RORA: variants seen among roughly 807,000 people sequenced by gnomAD.
RORA encodes nuclear receptor ROR-alpha.
RORA carries 7 observed loss-of-function variants against 69.5 expected under a neutral mutation model. The ratio of observed to expected loss-of-function variants is 0.10; its 90% CI spans 0.06 to 0.19. The LOEUF is 0.19. Among genes scored for constraint, RORA ranks in the 10% least tolerant of loss-of-function variants. The pLI is 1.00. For synonymous variants in RORA, 261 were observed against 240.8 expected, an observed-to-expected ratio of 1.08 and a Z score of -0.78; for missense variants, 457 against 663.0, an observed-to-expected ratio of 0.69 and a Z score of 3.41.
chr15:60,943,148 T>C (rs1363451864), intron 1 of RORA, among the ~76,000 whole-genome samples: 1 of 152,214 alleles, frequency 6.6e-6, no homozygotes, highest in Non-Finnish European at 1.5e-5. Flanking sequence ...CTTCTTATTT[T>C]GAGACTTGGC....
At chr15:61,098,806 T>G (rs1458804766) in intron 1 of RORA, among the ~76,000 whole-genome samples, 1 of 152,254 alleles carries the variant, frequency 6.6e-6, no homozygotes, top group Non-Finnish European at 1.5e-5. Context: ...TCTTGATTAC[T>G]GTTATTGGAA....
At chr15:60,699,314 A>G (rs993841667) in intron 1 of RORA, among the ~76,000 whole-genome samples, 22 of 152,322 alleles carry the variant, frequency 1.4e-4, no homozygotes, top group Admixed American at 5.9e-4. Flanking sequence ...TAATTTAAAA[A>G]TTCAAATAAA....
chr15:60,794,883 C>G (rs539782414), intron 1 of RORA, among the ~76,000 whole-genome samples: 1 of 152,256 alleles, frequency 6.6e-6, no homozygotes, highest in African/African-American at 2.4e-5. Flanking sequence ...TGGAGTTCTG[C>G]CTGTCCACTT....
At chr15:60,586,403 C>T (rs1455434739) in intron 2 of RORA, among the ~76,000 whole-genome samples, 1 of 151,998 alleles carries the variant, frequency 6.6e-6, no homozygotes, top group Non-Finnish European at 1.5e-5. Context: ...GGCAGAACCA[C>T]ACTTACAGCA....
chr15:60,539,863 C>T (rs1368656437), intron 2 of RORA, among the ~76,000 whole-genome samples: 1 of 151,956 alleles, frequency 6.6e-6, no homozygotes, highest in Non-Finnish European at 1.5e-5. Flanking sequence ...TCTCAGTTGG[C>T]GTAAGGTCCC....
chr15:60,882,769 C>T (rs549721170), intron 1 of RORA, among the ~76,000 whole-genome samples: 9 of 152,132 alleles, frequency 5.9e-5, no homozygotes, highest in Admixed American at 5.2e-4. Flanking sequence ...TGTTCTGATA[C>T]GTTCAGCCAA....
intron 2 of RORA, among the ~76,000 whole-genome samples, chr15:60,655,307 C>T (rs1179029888): frequency 6.6e-6 from 1 of 151,954 alleles, no homozygotes; most frequent in Non-Finnish European, 1.5e-5. Flanking sequence ...GTACAGTTAC[C>T]CAGATATCCA....
chr15:60,654,674 C>T (rs1406395552), intron 2 of RORA, among the ~76,000 whole-genome samples: 1 of 152,086 alleles, frequency 6.6e-6, no homozygotes, highest in Non-Finnish European at 1.5e-5. Flanking sequence ...TCTGGGTGGG[C>T]TCAATGTAAT....
Position 60,842,103 on chromosome 15 carries a change from A to G in RORA, c.167-163417T>C, listed in dbSNP as rs983163709. Among the ~76,000 whole-genome samples the G allele has an allele frequency of 7.9e-5, 12 of 151,974 alleles. 1 individual carries two copies. In the South Asian group the frequency reaches 2.3e-3, roughly 29 times the overall value. ...CTGACCCATCCCTTGCTCCTCAGCC[A>G]TCTTCCTTTCTAAAGTTCACGAATT... On this transcript the variant is annotated intron_variant, in intron 1 of 10. Coordinates refer to ENST00000335670, the MANE Select transcript of RORA (RefSeq NM_134261.3).
chr15:60,793,518 C>G (rs746315280), intron 1 of RORA, among the ~76,000 whole-genome samples: 12 of 149,270 alleles, frequency 8.0e-5, no homozygotes, highest in Non-Finnish European at 1.3e-4. Context: ...TTCACATTTT[C>G]AATATATTGA....
intron 2 of RORA, among the ~76,000 whole-genome samples, chr15:60,633,262 A>T (rs2069774702): frequency 6.6e-6 from 1 of 152,232 alleles, no homozygotes; most frequent in South Asian, 2.1e-4. Flanking sequence ...CAGTAAAGGA[A>T]GGAGAAGGTG....
chr15:61,217,056 C>T (rs1596079187), intron 1 of RORA, among the ~76,000 whole-genome samples: 1 of 152,238 alleles, frequency 6.6e-6, no homozygotes, highest in East Asian at 1.9e-4. Context: ...AAACCGAAGG[C>T]CCCATTGGAA....
At chr15:60,812,505 G>A (rs2072758299) in intron 1 of RORA, among the ~76,000 whole-genome samples, 1 of 152,152 alleles carries the variant, frequency 6.6e-6, no homozygotes, top group African/African-American at 2.4e-5. Context: ...CTGAGGCCCT[G>A]TGTCTAAAAA....
intron 1 of RORA, among the ~76,000 whole-genome samples, chr15:61,139,805 A>C (rs2079281529): frequency 6.6e-6 from 1 of 152,222 alleles, no homozygotes; most frequent in Non-Finnish European, 1.5e-5. Flanking sequence ...CCCAAAAATA[A>C]ATCACAAGAA....
At chr15:60,709,787 T>C (rs1012996274) in intron 1 of RORA, among the ~76,000 whole-genome samples, 1 of 152,014 alleles carries the variant, frequency 6.6e-6, no homozygotes, top group Admixed American at 6.6e-5. Context: ...GTAATAATAA[T>C]AGCAATAAAG....
At chr15:60,545,098 T>G (rs1239912507) in intron 2 of RORA, 2 of 152,218 alleles carry the variant, frequency 1.3e-5, no homozygotes, top group Non-Finnish European at 2.9e-5. Context: ...TGATTTTGCC[T>G]TCACTGCTAT....
chr15:60,793,494 C>A (rs12591848), intron 1 of RORA, among the ~76,000 whole-genome samples: 20,236 of 152,130 alleles, frequency 0.13, 1,712 homozygotes, highest in East Asian at 0.43. Context: ...ATTATCCCAA[C>A]TGCCAGATTC....
chr15:60,888,338 T>A (rs1472055513), intron 1 of RORA, among the ~76,000 whole-genome samples: 1 of 152,182 alleles, frequency 6.6e-6, no homozygotes, highest in Non-Finnish European at 1.5e-5. Flanking sequence ...CCGGTGGGCC[T>A]GGTCACCAGT....
intron 1 of RORA, among the ~76,000 whole-genome samples, chr15:60,871,237 GT>G (rs1006862523): frequency 2.7e-4 from 40 of 150,414 alleles, no homozygotes; most frequent in African/African-American, 9.0e-4. Flanking sequence ...TCAAAGATTT[GT>G]TTTTTTTTCA....
Sources: gnomAD v4.1 joint callset for allele counts (sites outside exome capture counted in the v4.1 genomes callset) on GRCh38, gnomAD v4.1.1 for gene constraint, MANE v1.5 for transcripts, NCBI Gene and HGNC (gene_info 2026-07-23, HGNC 2026-07-21) for gene names.